Variants in C1orf53 observed in about 807,000 individuals in gnomAD.
C1orf53 encodes uncharacterized protein C1orf53.
In C1orf53, 23 loss-of-function variants were observed where a neutral mutation model predicts 17.5. That is an observed-to-expected ratio of 1.31 (90% CI 0.94 to 1.86). C1orf53 has a LOEUF of 1.86. Among genes scored for constraint, C1orf53 ranks in the 40% most tolerant of loss-of-function variants. The pLI is 0.00. For synonymous variants in C1orf53, 108 were observed against 81.9 expected, an observed-to-expected ratio of 1.32 and a Z score of -1.72; for missense variants, 255 against 193.2, an observed-to-expected ratio of 1.32 and a Z score of -1.89.
chr1:197,902,880 A>G lies in C1orf53; in HGVS notation c.231A>G (p.Arg77=). Residue 77 remains arginine (R), a synonymous_variant, in exon 1 of 3, where the codon CGA becomes CGG. Transcript: ENST00000367393. ...GCGAAGAGTTAACCGCGGCGGAGCG[A>G]CAGATCGCGGAGCTGCACGCTGCCG... The part of the protein sequence containing the change: ...SVSEELTAAE[R]QIAELHAAAC... 6.6e-7 allele frequency: 1 copy of G among 1,508,956 alleles called. No individual in the cohort carries two copies. The highest frequency in any genetic ancestry group is 1.2e-5 in the South Asian group (1 of 80,650). 93.5% of individuals were successfully genotyped at this position (1,508,956 alleles called of 1,614,324 possible).
At chr1:197,902,963 G>C (rs772253491) in intron 1 of C1orf53, 50 bp downstream of exon 1, 37 of 1,330,318 alleles carry the variant, frequency 2.8e-5, no homozygotes, top group South Asian at 4.0e-5. Flanking sequence ...CCCCGGGCTC[G>C]GCGCGCCTGC....
In C1orf53 at chr1:197,905,914, G is replaced by A. The variant is rs755034905; in HGVS notation, c.366+17G>A. 1.3e-5 allele frequency: 21 copies of A among 1,565,810 alleles called. No individual in the cohort carries two copies. The South Asian group carries it at 2.1e-4, about 16-fold the overall frequency. ...TGCAGACATGTGAGTAGCAATTCTT[G>A]CATTACAGCAGCAGTTTGCGGTGCT... is the stretch of plus-strand genomic sequence containing the variant. On this transcript the variant is annotated intron_variant, in intron 2 of 2. Coordinates refer to ENST00000367393, the MANE Select transcript of C1orf53 (RefSeq NM_001024594.3).
At position 197,902,685 on chromosome 1, in the gene C1orf53, C is replaced by T. The variant is rs1313662690; in HGVS notation, c.36C>T (p.Ala12=). 1.3e-6 allele frequency: 2 copies of T among 1,504,070 alleles called. No homozygotes were observed. Among genetic ancestry groups the T allele is most frequent in the Non-Finnish European group, 1.8e-6 (2 of 1,133,906 alleles). 93.2% of individuals were successfully genotyped at this position (1,504,070 alleles called of 1,614,324 possible). Residue 12 remains alanine (A), a synonymous_variant, in exon 1 of 3, where the codon GCC becomes GCT. Coordinates refer to ENST00000367393, the MANE Select transcript of C1orf53 (RefSeq NM_001024594.3). The part of the protein sequence containing the change: ...AARQIWARTG[A]ALCRQPSAAP... The stretch of plus-strand genomic sequence containing the variant: ...GGCAGATCTGGGCACGGACGGGTGC[C>T]GCGCTCTGCAGGCAACCTTCCGCCG...
intron 1 of C1orf53, among the ~76,000 whole-genome samples, chr1:197,905,244 C>G (rs1041474603): frequency 3.1e-4 from 43 of 140,876 alleles, no homozygotes; most frequent in African/African-American, 1.1e-3. Context: ...AACACACCAG[C>G]AAAAAAAAAA....
At chr1:197,904,647 G>A (rs1190731820) in intron 1 of C1orf53, among the ~76,000 whole-genome samples, 2 of 152,202 alleles carry the variant, frequency 1.3e-5, no homozygotes, top group Non-Finnish European at 2.9e-5. Context: ...GACTTGGGAA[G>A]TCTCTCTCAG....
rs1303097200 is a variant in C1orf53, at chr1:197,902,899, G to A, written c.250G>A (p.Ala84Thr). ...GGAGCGACAGATCGCGGAGCTGCAC[G>A]CTGCCGCCTGCGCGGTGAGACTCCC... ...AAERQIAELH[A>T]AACAAGQLNY... is the part of the protein sequence containing the mutation. The change falls in exon 1 of 3, where the codon GCT (alanine) becomes ACT (threonine). Residue 84 changes from alanine (A) to threonine (T), a missense_variant. Transcript: ENST00000367393. 19 of 1,476,004 alleles carry A rather than the reference G, an allele frequency of 1.3e-5. No individual in the cohort carries two copies. The highest frequency in any genetic ancestry group is 2.0e-4 in the Middle Eastern group (1 of 4,940). The allele number at this position is 1,476,004 out of a possible 1,614,324, so 91.4% of individuals were successfully genotyped here. A position where few individuals can be genotyped will look rare whatever the true frequency, so the allele number is the denominator to read the frequency against.
intron 1 of C1orf53, 95 bp from the exon 2 acceptor site, chr1:197,905,701 A>T: frequency 1.1e-6 from 1 of 874,656 alleles, no homozygotes; most frequent in Non-Finnish European, 1.8e-6. Flanking sequence ...AATATTGTTT[A>T]AAATTTTTCT....
chr1:197,902,927 C>T lies in C1orf53; in HGVS notation c.264+14C>T, dbSNP rs1281285759. ...GCCGCCTGCGCGGTGAGACTCCCTC[C>T]TGCCCGCCCCGCCCCGCCGCGGCCG... On this transcript the variant is annotated intron_variant, in intron 1 of 2. Transcript: ENST00000367393. 3.7e-6 allele frequency: 5 copies of T among 1,367,700 alleles called. No individual in the cohort carries two copies. Among genetic ancestry groups the T allele is most frequent in the Non-Finnish European group, 3.8e-6 (4 of 1,065,704 alleles). The allele number at this position is 1,367,700 out of a possible 1,614,324, so 84.7% of individuals were successfully genotyped here. A position where few individuals can be genotyped will look rare whatever the true frequency, so the allele number is the denominator to read the frequency against.
intron 1 of C1orf53, among the ~76,000 whole-genome samples, chr1:197,904,339 G>A (rs567227132): frequency 6.6e-6 from 1 of 152,262 alleles, no homozygotes; most frequent in African/African-American, 2.4e-5. Flanking sequence ...AGTTTGTGTG[G>A]GCAGCCAGCA....
At position 197,902,711 on chromosome 1, in the gene C1orf53, C is replaced by T. The variant is rs752208053; in HGVS notation, c.62C>T (p.Ala21Val). The T allele has an allele frequency of 6.5e-7, 1 of 1,531,822 alleles. No homozygotes were observed. The highest frequency in any genetic ancestry group is 8.7e-7 in the Non-Finnish European group (1 of 1,147,416). The allele number at this position is 1,531,822 out of a possible 1,614,324, so 94.9% of individuals were successfully genotyped here. A position where few individuals can be genotyped will look rare whatever the true frequency, so the allele number is the denominator to read the frequency against. The change falls in exon 1 of 3, where the codon GCC becomes GTC. Residue 21 changes from alanine to valine, a missense_variant. Coordinates refer to ENST00000367393, the MANE Select transcript of C1orf53 (RefSeq NM_001024594.3). ...GAALCRQPSAAPPPAPLWVRA... is the reference protein window; with the variant it reads ...GAALCRQPSAVPPPAPLWVRA... ...GCGCTCTGCAGGCAACCTTCCGCCG[C>T]CCCGCCGCCAGCACCTCTCTGGGTA... is the stretch of plus-strand genomic sequence containing the variant.
chr1:197,906,353 C>T (rs1275531250), intron 2 of C1orf53, among the ~76,000 whole-genome samples: 1 of 151,762 alleles, frequency 6.6e-6, no homozygotes, highest in East Asian at 1.9e-4. Flanking sequence ...CCTTCCCTCC[C>T]TCCCTTTTTT....
intron 1 of C1orf53, among the ~76,000 whole-genome samples, chr1:197,903,171 A>C (rs908846530): frequency 6.6e-6 from 1 of 152,184 alleles, no homozygotes; most frequent in Non-Finnish European, 1.5e-5. Context: ...CTCCGGTCGC[A>C]GTGTGGGACC....
intron 2 of C1orf53, among the ~76,000 whole-genome samples, chr1:197,906,781 A>G (rs1659528670): frequency 6.6e-6 from 1 of 152,246 alleles, no homozygotes; most frequent in East Asian, 1.9e-4. Context: ...CACTAAATGC[A>G]TGTATTAACT....
At chr1:197,907,024 G>A (rs985849262) in intron 2 of C1orf53, 125 bp from the exon 3 acceptor site, 2 of 581,056 alleles carry the variant, frequency 3.4e-6, no homozygotes, top group Non-Finnish European at 5.9e-6. Flanking sequence ...TTAGTCTGCA[G>A]GACCTGATAG....
In C1orf53 at chr1:197,902,796, C is replaced by T; in HGVS notation, c.147C>T (p.Cys49=). 3 of 1,579,868 alleles carry T rather than the reference C, an allele frequency of 1.9e-6. No homozygotes were observed. The highest frequency in any genetic ancestry group is 1.7e-6 in the Non-Finnish European group (2 of 1,170,254). ...LTLCPANEGN[C]GGSAPSTPGR... is the part of the protein sequence containing the mutation. ...TCTGCCCTGCTAACGAGGGAAACTG[C>T]GGCGGCTCCGCGCCCAGCACGCCCG... The change falls in exon 1 of 3, where the codon TGC becomes TGT. Residue 49 remains cysteine, a synonymous_variant. Coordinates refer to ENST00000367393, the MANE Select transcript of C1orf53 (RefSeq NM_001024594.3).
chr1:197,902,676 G>C lies in C1orf53; in HGVS notation c.27G>C (p.Arg9=), dbSNP rs773139669. 36 of 1,494,658 alleles carry C rather than the reference G, an allele frequency of 2.4e-5. 1 individual carries two copies. The South Asian group carries it at 4.4e-4, about 18-fold the overall frequency. 92.6% of individuals were successfully genotyped at this position (1,494,658 alleles called of 1,614,324 possible). A position where few individuals can be genotyped will look rare whatever the true frequency, so the allele number is the denominator to read the frequency against. MAARQIWA[R]TGAALCRQPS... is the part of the protein sequence containing the mutation. ...TGGCGGCCAGGCAGATCTGGGCACG[G>C]ACGGGTGCCGCGCTCTGCAGGCAAC... Residue 9 remains arginine (R), a synonymous_variant, in exon 1 of 3, where the codon CGG becomes CGC. Coordinates refer to ENST00000367393, the MANE Select transcript of C1orf53 (RefSeq NM_001024594.3).
chr1:197,905,035 C>T (rs1297300617), intron 1 of C1orf53, among the ~76,000 whole-genome samples: 2 of 152,166 alleles, frequency 1.3e-5, no homozygotes, highest in Admixed American at 1.3e-4. Flanking sequence ...CCCAAATCCA[C>T]AGAAAAGATT....
intron 1 of C1orf53, 117 bp downstream of exon 1, chr1:197,903,030 T>C: frequency 1.0e-6 from 1 of 990,850 alleles, no homozygotes; most frequent in Non-Finnish European, 1.3e-6. Context: ...GGTTGCTGGA[T>C]ACCGGTGCGG....
Sources: allele counts gnomAD v4.1 joint callset (sites outside exome capture counted in the v4.1 genomes callset), GRCh38; gene constraint gnomAD v4.1.1; transcripts MANE v1.5; gene names NCBI Gene and HGNC (gene_info 2026-07-23, HGNC 2026-07-21).